Variants in IL15RA observed in about 807,000 individuals in gnomAD.
The protein encoded by IL15RA is interleukin-15 receptor subunit alpha.
A neutral mutation model predicts 24.2 loss-of-function variants in IL15RA; 26 were observed. That is an observed-to-expected ratio of 1.07 (90% CI 0.79 to 1.49). The LOEUF is 1.49. IL15RA is among the 40% of genes most tolerant of loss of function. IL15RA has a pLI of 0.00. For missense variants in IL15RA, 354 were observed against 356.4 expected, an observed-to-expected ratio of 0.99 and a Z score of 0.05; for synonymous variants, 166 against 157.6, an observed-to-expected ratio of 1.05 and a Z score of -0.40.
rs1589246222 is a variant in IL15RA, at chr10:5,970,973, G to T, written c.89-4634C>A. Among the ~76,000 whole-genome samples the T allele has an allele frequency of 6.6e-6, 1 of 152,050 alleles. No homozygotes were observed. The highest frequency in any genetic ancestry group is 1.9e-4 in the East Asian group (1 of 5,178). On this transcript the variant is annotated intron_variant, in intron 1 of 6. Coordinates refer to ENST00000379977, the MANE Select transcript of IL15RA (RefSeq NM_002189.4). This position sits in a 1 kb window ranked among gnomAD's most constrained non-coding sequence, Gnocchi z 4.1. ...GGGTCTCACCATGTTGCCCAGCCTGGTCTCAAACTCCTGAACTCAAGCCGT... is the reference window on the plus strand; with the variant it reads ...GGGTCTCACCATGTTGCCCAGCCTGTTCTCAAACTCCTGAACTCAAGCCGT...
rs1240498176 is a variant in IL15RA at position 5,971,737 on chromosome 10, A to G, written c.89-5398T>C. Among the ~76,000 whole-genome samples the G allele has an allele frequency of 2.0e-5, 3 of 152,200 alleles. No homozygotes were observed. Among genetic ancestry groups the G allele is most frequent in the Non-Finnish European group, 4.4e-5 (3 of 68,034 alleles). ...CTTCCTTCCTTATTTTCCCCGCTGA[A>G]ATGTCAGCCAAGTCAACACACTTCC... is the stretch of plus-strand genomic sequence containing the variant. On this transcript the variant is annotated intron_variant, in intron 1 of 6. Transcript: ENST00000379977. This position sits in a 1 kb window ranked among gnomAD's most constrained non-coding sequence, Gnocchi z 5.5.
At chr10:5,977,911 C>T (rs901276320), upstream of IL15RA, 2 of 293,598 alleles carry the variant, frequency 6.8e-6, no homozygotes, top group Non-Finnish European at 6.3e-6. Context: ...CCAGCCCTCT[C>T]TGCGGCTCGG....
At chr10:5,949,175 T>C (rs1462905816), downstream of IL15RA, 1 of 470,174 alleles carries the variant, frequency 2.1e-6, no homozygotes. The surrounding 1 kb of genome is among the most constrained non-coding windows in gnomAD (Gnocchi z 4.4). Flanking sequence ...CCTATAGACA[T>C]CTCCCACGCC....
Position 5,965,195 on chromosome 10 carries a change from G to A in IL15RA, c.283+950C>T, listed in dbSNP as rs1836304537. Among the ~76,000 whole-genome samples the A allele has an allele frequency of 6.6e-6, 1 of 151,580 alleles. No homozygotes were observed. Among genetic ancestry groups the A allele is most frequent in the South Asian group, 2.1e-4 (1 of 4,762 alleles). On this transcript the variant is annotated intron_variant, in intron 2 of 6. Coordinates refer to ENST00000379977, the MANE Select transcript of IL15RA (RefSeq NM_002189.4). The surrounding 1 kb of genome is among the most constrained non-coding windows in gnomAD (Gnocchi z 5.8). ...GGTTCCCACCCGAGATGGTTTGGCT[G>A]CTTCTGGGACGTTTATCCAGGTGCA...
chr10:5,977,271 C>T, intron 1 of IL15RA, 134 bp downstream of exon 1: 1 of 399,618 alleles, frequency 2.5e-6, no homozygotes, highest in Non-Finnish European at 4.3e-6. Flanking sequence ...CGGCCTGGGC[C>T]TGCGCGCACC....
rs529408771 is a variant in IL15RA, at chr10:5,970,822, A to C, written c.89-4483T>G. Among the ~76,000 whole-genome samples the C allele has an allele frequency of 6.6e-6, 1 of 151,584 alleles. No homozygotes were observed. Among genetic ancestry groups the C allele is most frequent in the South Asian group, 2.1e-4 (1 of 4,816 alleles). Reference sequence around the variant, plus strand: ...GTCACCCAGGCTAGAGCACAATGGCATGATTATGCCCCGCTGCAGCCTCAA... The same window carrying C: ...GTCACCCAGGCTAGAGCACAATGGCCTGATTATGCCCCGCTGCAGCCTCAA... On this transcript the variant is annotated intron_variant, in intron 1 of 6. Transcript: ENST00000379977. This position sits in a 1 kb window ranked among gnomAD's most constrained non-coding sequence, Gnocchi z 4.1.
rs1834001361 is a variant in IL15RA at position 5,952,875 on chromosome 10, G to C, written c.*220C>G. ...TGGGAAGCTGGGCCCTGGGTCCAAG[G>C]CACGACAGGCAGGCAGGTGGTGCCC... On this transcript the variant is annotated 3_prime_UTR_variant, in exon 7 of 7. Transcript: ENST00000379977. 2 of 600,504 alleles carry C rather than the reference G, an allele frequency of 3.3e-6. No individual in the cohort carries two copies. The highest frequency in any genetic ancestry group is 1.9e-5 in the African/African-American group (1 of 53,836). 37.2% of individuals were successfully genotyped at this position (600,504 alleles called of 1,614,324 possible). A position where few individuals can be genotyped will look rare whatever the true frequency, so the allele number is the denominator to read the frequency against.
Position 5,966,246 on chromosome 10 carries a change from G to T in IL15RA, c.182C>A (p.Ser61Tyr). 6.2e-7 allele frequency: 1 copy of T among 1,614,136 alleles called. No homozygotes were observed. The highest frequency in any genetic ancestry group is 8.5e-7 in the Non-Finnish European group (1 of 1,179,970). The change falls in exon 2 of 7, where the codon TCT (serine) becomes TAT (tyrosine). Residue 61 changes from serine to tyrosine, a missense_variant. By Grantham distance (144) the Ser-to-Tyr change is moderately radical. Coordinates refer to ENST00000379977, the MANE Select transcript of IL15RA (RefSeq NM_002189.4). This position sits in a 1 kb window ranked among gnomAD's most constrained non-coding sequence, Gnocchi z 6.4. Reference sequence around the variant, plus strand: ...CGTGCCGGCTTTACGCTTGAAACCAGAGTTACAAATGTACCGCTCCCTGGA... The same window carrying T: ...CGTGCCGGCTTTACGCTTGAAACCATAGTTACAAATGTACCGCTCCCTGGA... ...LYSRERYICN[S>Y]GFKRKAGTSS...
Position 5,966,392 on chromosome 10 carries a change from G to A in IL15RA, c.89-53C>T. The A allele has an allele frequency of 1.4e-6, 2 of 1,475,146 alleles. No homozygotes were observed. The highest frequency in any genetic ancestry group is 1.9e-6 in the Non-Finnish European group (2 of 1,062,324). The allele number at this position is 1,475,146 out of a possible 1,614,324, so 91.4% of individuals were successfully genotyped here. On this transcript the variant is annotated intron_variant, in intron 1 of 6. Transcript: ENST00000379977. The surrounding 1 kb of genome is among the most constrained non-coding windows in gnomAD (Gnocchi z 6.4). The stretch of plus-strand genomic sequence containing the variant: ...GTGAAGAGGTTTCCACTTGTAAGAG[G>A]CGTTCTCCAGGCACACGCAGCGGTA...
chr10:5,952,482 T>C lies in IL15RA; in HGVS notation c.*613A>G, dbSNP rs753767379. The C allele has an allele frequency of 1.3e-5, 2 of 153,364 alleles. No homozygotes were observed. Among genetic ancestry groups the C allele is most frequent in the Non-Finnish European group, 2.9e-5 (2 of 68,470 alleles). The allele number at this position is 153,364 out of a possible 1,614,324, so 9.5% of individuals were successfully genotyped here. A position where few individuals can be genotyped will look rare whatever the true frequency, so the allele number is the denominator to read the frequency against. On this transcript the variant is annotated 3_prime_UTR_variant, in exon 7 of 7. Transcript: ENST00000379977. ...TATAATAGACAAGGAAGTATAAATA[T>C]AAACGCATATATTCGTAAAATGGCA...
In IL15RA at chr10:5,958,642, C is replaced by G. The variant is rs1834948545; in HGVS notation, c.616+1112G>C. ...CCTCCAGTGATCAGCCCCCCTCGGC[C>G]TCCCAAACTGCTGGGATTATAGGTG... On this transcript the variant is annotated intron_variant, in intron 5 of 6. Transcript: ENST00000379977. The surrounding 1 kb of genome is among the most constrained non-coding windows in gnomAD (Gnocchi z 4.3). Among the ~76,000 whole-genome samples the G allele has an allele frequency of 6.6e-6, 1 of 152,168 alleles. No individual in the cohort carries two copies. The highest frequency in any genetic ancestry group is 2.4e-5 in the African/African-American group (1 of 41,444).
At chr10:5,977,383 G>GC in intron 1 of IL15RA, 22 bp downstream of exon 1, 3 of 1,171,638 alleles carry the variant, frequency 2.6e-6, no homozygotes, top group Non-Finnish European at 3.3e-6. Context: ...CCGCCCGGGC[G>GC]CCCCTGCTCC....
intron 6 of IL15RA, among the ~76,000 whole-genome samples, chr10:5,954,606 A>C (rs1834273057): frequency 1.3e-5 from 2 of 152,250 alleles, no homozygotes; most frequent in East Asian, 3.9e-4. Flanking sequence ...GATATCTTTC[A>C]TATAGCCAGT....
chr10:5,977,896 T>A (rs1484060537), upstream of IL15RA: 1 of 324,212 alleles, frequency 3.1e-6, no homozygotes, highest in Non-Finnish European at 5.6e-6. Context: ...GAGAGCAGAC[T>A]CTCTCCAGCC....
Position 5,955,848 on chromosome 10 carries a change from C to A in IL15RA, c.692+531G>T, listed in dbSNP as rs1834444889. On this transcript the variant is annotated intron_variant, in intron 6 of 6. Coordinates refer to ENST00000379977, the MANE Select transcript of IL15RA (RefSeq NM_002189.4). The surrounding 1 kb of genome is among the most constrained non-coding windows in gnomAD (Gnocchi z 5.3). ...CCTGGTGCACTTTCTCTGGCCGCCCCATTTCTACCATGAGCAGGGGTAGGG... is the reference window on the plus strand; with the variant it reads ...CCTGGTGCACTTTCTCTGGCCGCCCAATTTCTACCATGAGCAGGGGTAGGG... Among the ~76,000 whole-genome samples the A allele has an allele frequency of 6.6e-6, 1 of 152,226 alleles. No homozygotes were observed. The highest frequency in any genetic ancestry group is 1.9e-4 in the East Asian group (1 of 5,166).
At position 5,971,899 on chromosome 10, in the gene IL15RA, C is replaced by T. The variant is rs1464177226; in HGVS notation, c.88+5506G>A. ...GTGCCAGGTGAATTTCTCCATAACT[C>T]GAATCCTTAAATAATGATTATTGGA... On this transcript the variant is annotated intron_variant, in intron 1 of 6. Transcript: ENST00000379977. The surrounding 1 kb of genome is among the most constrained non-coding windows in gnomAD (Gnocchi z 5.5). 2.6e-5 allele frequency among the ~76,000 whole-genome samples: 4 copies of T among 152,150 alleles called. No homozygotes were observed. The highest frequency in any genetic ancestry group is 7.2e-5 in the African/African-American group (3 of 41,430).
Position 5,966,106 on chromosome 10 carries a change from T to G in IL15RA, c.283+39A>C. 5 of 1,384,536 alleles carry G rather than the reference T, an allele frequency of 3.6e-6. No individual in the cohort carries two copies. Among genetic ancestry groups the G allele is most frequent in the Non-Finnish European group, 5.1e-6 (5 of 981,002 alleles). 85.8% of individuals were successfully genotyped at this position (1,384,536 alleles called of 1,614,324 possible). On this transcript the variant is annotated intron_variant, in intron 2 of 6. Coordinates refer to ENST00000379977, the MANE Select transcript of IL15RA (RefSeq NM_002189.4). This position sits in a 1 kb window ranked among gnomAD's most constrained non-coding sequence, Gnocchi z 6.4. ...TTCTCTCTGTGCAGCCTTGGCAGGG[T>G]GGGGGAGGGAGGAAGGTGGGGTGGC...
At chr10:5,974,927 T>C (rs1423863163) in intron 1 of IL15RA, among the ~76,000 whole-genome samples, 1 of 151,186 alleles carries the variant, frequency 6.6e-6, no homozygotes, top group Non-Finnish European at 1.5e-5. Context: ...TAAATAAAAA[T>C]TAAAAATTAA....
chr10:5,977,515 G>T lies in IL15RA; in HGVS notation c.-23C>A, dbSNP rs752832769. ...CATGGCGGCAGCTCCACAGGACACCGCTGGACTCCCCGGGCGAGCGCTGCC... is the reference window on the plus strand; with the variant it reads ...CATGGCGGCAGCTCCACAGGACACCTCTGGACTCCCCGGGCGAGCGCTGCC... On this transcript the variant is annotated 5_prime_UTR_variant, in exon 1 of 7. Coordinates refer to ENST00000379977, the MANE Select transcript of IL15RA (RefSeq NM_002189.4). 26 of 1,326,768 alleles carry T rather than the reference G, an allele frequency of 2.0e-5. No homozygotes were observed. The South Asian group carries it at 5.1e-4, about 26-fold the overall frequency. 82.2% of individuals were successfully genotyped at this position (1,326,768 alleles called of 1,614,324 possible).
Sources: gnomAD v4.1 joint callset for allele counts (sites outside exome capture counted in the v4.1 genomes callset) on GRCh38, gnomAD v4.1.1 for gene constraint, Gnocchi (gnomAD v3.1) non-coding constraint, MANE v1.5 for transcripts, NCBI Gene and HGNC (gene_info 2026-07-23, HGNC 2026-07-21) for gene names.